Variants in EPHA6 observed in about 807,000 individuals in gnomAD.
EPHA6 encodes EPH receptor A6, also known as ephrin type-A receptor 6.
In EPHA6, 50 loss-of-function variants were observed where a neutral mutation model predicts 112.0. That is an observed-to-expected ratio of 0.45 (90% CI 0.36 to 0.56). EPHA6 has a LOEUF of 0.56. Ranked by LOEUF, EPHA6 falls within the 20% of genes least tolerant of loss-of-function variation. The probability of loss-of-function intolerance (pLI) is 0.00; values close to 1 mark genes in which losing one functional copy is unlikely to be tolerated. For synonymous variants in EPHA6, 529 were observed against 490.7 expected (o/e 1.08, Z -1.03); for missense variants, 1,280 against 1,417.4 (o/e 0.90, Z 1.56).
intron 3 of EPHA6, among the ~76,000 whole-genome samples, chr3:97,119,384 G>T (rs1404214319): frequency 1.3e-5 from 2 of 151,964 alleles, no homozygotes; most frequent in Non-Finnish European, 2.9e-5. Flanking sequence ...TAGACAAAAT[G>T]ATTCTACCTG....
At chr3:97,215,182 A>AT (rs1360626829) in intron 3 of EPHA6, among the ~76,000 whole-genome samples, 1 of 152,150 alleles carries the variant, frequency 6.6e-6, no homozygotes, top group African/African-American at 2.4e-5. Flanking sequence ...TTCTCATGTT[A>AT]TTTTTTTGTC....
At chr3:97,599,941 C>G (rs1267513464) in intron 12 of EPHA6, among the ~76,000 whole-genome samples, 28 of 151,914 alleles carry the variant, frequency 1.8e-4, no homozygotes, top group Admixed American at 1.1e-3. Flanking sequence ...CTTTTATTTC[C>G]TTGAGCAGTG....
At chr3:97,545,354 G>C (rs543228073) in intron 11 of EPHA6, among the ~76,000 whole-genome samples, 52 of 152,236 alleles carry the variant, frequency 3.4e-4, no homozygotes, top group Non-Finnish European at 6.6e-4. Context: ...AGGTTGTTCA[G>C]TTTCCATGTA....
At chr3:97,746,502 G>C (rs892721990) in intron 16 of EPHA6, among the ~76,000 whole-genome samples, 2 of 151,672 alleles carry the variant, frequency 1.3e-5, no homozygotes, top group African/African-American at 4.8e-5. Context: ...ACAATTCTGA[G>C]TTACTTTTAC....
chr3:97,431,130 A>G (rs2089475766), intron 6 of EPHA6, among the ~76,000 whole-genome samples: 3 of 152,112 alleles, frequency 2.0e-5, no homozygotes, highest in Admixed American at 2.0e-4. Flanking sequence ...AATTTTTTAC[A>G]CTATGTGAGA....
intron 3 of EPHA6, among the ~76,000 whole-genome samples, chr3:97,117,549 C>T (rs1191569770): frequency 6.6e-6 from 1 of 151,708 alleles, no homozygotes; most frequent in Admixed American, 6.6e-5. Flanking sequence ...TTTCAATTTT[C>T]CCAGCACCAT....
intron 10 of EPHA6, among the ~76,000 whole-genome samples, chr3:97,506,971 A>T (rs2092265905): frequency 6.6e-6 from 1 of 151,112 alleles, no homozygotes; most frequent in African/African-American, 2.4e-5. Flanking sequence ...CTCTCTGTCT[A>T]TTATTGGTGT....
At chr3:97,705,212 A>G (rs75984042) in intron 14 of EPHA6, among the ~76,000 whole-genome samples, 2,084 of 151,874 alleles carry the variant, frequency 0.014, 33 homozygotes, top group African/African-American at 0.048. Flanking sequence ...TTCTCTCAGT[A>G]TCTCTAAATC....
intron 3 of EPHA6, among the ~76,000 whole-genome samples, chr3:97,178,759 C>T (rs2076904780): frequency 6.6e-6 from 1 of 152,054 alleles, no homozygotes; most frequent in African/African-American, 2.4e-5. Context: ...TTTTCTCTTG[C>T]TGCTTTTAGG....
At chr3:97,082,252 ATTAC>A (rs1030504508) in intron 3 of EPHA6, among the ~76,000 whole-genome samples, 1 of 151,890 alleles carries the variant, frequency 6.6e-6, no homozygotes, top group African/African-American at 2.4e-5. Context: ...ATGAGCGTGT[ATTAC>A]TTTTAATGTT....
At chr3:97,453,102 C>T (rs1298518819) in intron 7 of EPHA6, among the ~76,000 whole-genome samples, 5 of 151,262 alleles carry the variant, frequency 3.3e-5, no homozygotes, top group African/African-American at 1.2e-4. Flanking sequence ...CATTAAATTC[C>T]ATATATATAG....
chr3:97,668,460 C>T (rs1398154650), intron 14 of EPHA6, among the ~76,000 whole-genome samples: 4 of 152,084 alleles, frequency 2.6e-5, no homozygotes, highest in Non-Finnish European at 5.9e-5. Context: ...GGATCAGGAT[C>T]CCTCCTTCAG....
intron 2 of EPHA6, among the ~76,000 whole-genome samples, chr3:96,895,854 C>A (rs1175144838): frequency 6.6e-6 from 1 of 152,160 alleles, no homozygotes; most frequent in African/African-American, 2.4e-5. Context: ...TGTCTTCACA[C>A]AGGCTTCTTA....
rs2036114469 is a variant in EPHA6 at position 97,759,813 on chromosome 3, A to G, written c.*11112A>G. On this transcript the variant is annotated 3_prime_UTR_variant, in exon 18 of 18. Coordinates refer to ENST00000389672, the MANE Select transcript of EPHA6 (RefSeq NM_001080448.3). ...TAAGTAGTTGGATAGTAGGAAAGTG[A>G]ATATATATTTGATGAAATATTTTAA... is the stretch of plus-strand genomic sequence containing the variant. 4.5e-6 allele frequency: 1 copy of G among 220,362 alleles called. No homozygotes were observed. The highest frequency in any genetic ancestry group is 9.1e-6 in the Non-Finnish European group (1 of 109,808). The allele number at this position is 220,362 out of a possible 1,614,324, so 13.7% of individuals were successfully genotyped here. A position where few individuals can be genotyped will look rare whatever the true frequency, so the allele number is the denominator to read the frequency against.
At chr3:96,913,161 T>TACACACACACACACACAC (rs768422240) in intron 2 of EPHA6, among the ~76,000 whole-genome samples, 1 of 123,166 alleles carries the variant, frequency 8.1e-6, no homozygotes, top group Admixed American at 8.6e-5. Context: ...AGACCCCGTC[T>TACACACACACACACACAC]ACACACACAC....
rs1447988274 is a variant in EPHA6, at chr3:97,366,786, C to A, written c.1607-38364C>A. ...ATATACAAAACCTTGGATTGTAAGT[C>A]CAGAAACTTTGGTAAGTGCTACCTC... On this transcript the variant is annotated intron_variant, in intron 5 of 17. Transcript: ENST00000389672. Among the ~76,000 whole-genome samples the A allele has an allele frequency of 2.0e-5, 3 of 152,212 alleles. No individual in the cohort carries two copies. The South Asian group carries it at 6.2e-4, about 32-fold the overall frequency.
At chr3:97,019,689 T>C (rs1189217924) in intron 3 of EPHA6, among the ~76,000 whole-genome samples, 1 of 152,228 alleles carries the variant, frequency 6.6e-6, no homozygotes, top group Admixed American at 6.5e-5. Flanking sequence ...ATTTATTCTC[T>C]GTTATATCTC....
intron 14 of EPHA6, among the ~76,000 whole-genome samples, chr3:97,655,063 A>G (rs1451035625): frequency 1.3e-5 from 2 of 150,130 alleles, no homozygotes; most frequent in East Asian, 1.9e-4. Context: ...ATCTTGTGGC[A>G]GTAGATCAGC....
intron 13 of EPHA6, among the ~76,000 whole-genome samples, chr3:97,619,408 T>C (rs2093793958): frequency 9.1e-6 from 1 of 110,476 alleles, no homozygotes; most frequent in African/African-American, 3.3e-5. Flanking sequence ...GGAAATTCTA[T>C]ACAGAGCAAT....
Sources: allele counts gnomAD v4.1 joint callset (sites outside exome capture counted in the v4.1 genomes callset), GRCh38; gene constraint gnomAD v4.1.1; transcripts MANE v1.5; gene names NCBI Gene and HGNC (gene_info 2026-07-23, HGNC 2026-07-21).